Variants in CDH13 observed in about 807,000 individuals in gnomAD.
CDH13 encodes the protein cadherin-13.
In CDH13, 24 loss-of-function variants were observed where a neutral mutation model predicts 63.8. The observed-to-expected ratio is 0.38, with a 90% CI of 0.27 to 0.53. The LOEUF (loss-of-function observed/expected upper bound fraction) is 0.53. CDH13 is among the 20% of genes least tolerant of loss of function. The pLI is 0.85. For missense variants in CDH13, 1,049 were observed against 903.1 expected, an observed-to-expected ratio of 1.16 and a Z score of -2.07; for synonymous variants, 503 against 355.3, an observed-to-expected ratio of 1.42 and a Z score of -4.67.
At chr16:83,464,391 A>C (rs2073256980) in intron 6 of CDH13, among the ~76,000 whole-genome samples, 1 of 152,192 alleles carries the variant, frequency 6.6e-6, no homozygotes, top group South Asian at 2.1e-4. Context: ...ACATCCCTGT[A>C]ATCCCAGCTA....
At chr16:82,654,569 C>T (rs1241248608) in intron 1 of CDH13, among the ~76,000 whole-genome samples, 1 of 152,048 alleles carries the variant, frequency 6.6e-6, no homozygotes, top group Non-Finnish European at 1.5e-5. Context: ...TCAAATAATC[C>T]TGATTGACTG....
intron 4 of CDH13, among the ~76,000 whole-genome samples, chr16:83,140,874 C>G (rs757965658): frequency 3.3e-5 from 5 of 152,186 alleles, no homozygotes; most frequent in Non-Finnish European, 4.4e-5. Flanking sequence ...GTTTAAGGCA[C>G]CAAGAATGCC....
chr16:83,690,046 G>A (rs562478704), intron 10 of CDH13, among the ~76,000 whole-genome samples: 45 of 152,156 alleles, frequency 3.0e-4, no homozygotes, highest in East Asian at 5.8e-4. Context: ...TTAGCCGGGC[G>A]CCTGTAATCC....
intron 8 of CDH13, among the ~76,000 whole-genome samples, chr16:83,650,711 G>C (rs1431662845): frequency 6.6e-6 from 1 of 152,140 alleles, no homozygotes; most frequent in Non-Finnish European, 1.5e-5. Flanking sequence ...ATCCATCCCA[G>C]AATGTCATTA....
chr16:82,893,268 A>G (rs1455642429), intron 2 of CDH13, among the ~76,000 whole-genome samples: 2 of 152,270 alleles, frequency 1.3e-5, no homozygotes, highest in Non-Finnish European at 2.9e-5. Flanking sequence ...TGTTGGCATC[A>G]GCAGTTTTGA....
chr16:83,128,793 A>C (rs557978004), intron 4 of CDH13, among the ~76,000 whole-genome samples: 1 of 152,286 alleles, frequency 6.6e-6, no homozygotes, highest in African/African-American at 2.4e-5. Flanking sequence ...TTCAAAAAGC[A>C]ATTTGGTTTG....
chr16:83,472,765 G>A (rs367829083), intron 6 of CDH13, among the ~76,000 whole-genome samples: 2 of 152,202 alleles, frequency 1.3e-5, no homozygotes, highest in South Asian at 2.1e-4. Flanking sequence ...TGTGCCAGAA[G>A]CTACTGGATC....
intron 1 of CDH13, among the ~76,000 whole-genome samples, chr16:82,799,005 C>T (rs553254701): frequency 6.6e-6 from 1 of 152,160 alleles, no homozygotes; most frequent in Non-Finnish European, 1.5e-5. Flanking sequence ...CCTGGGCAGT[C>T]TATCACCAGA....
rs190876096 is a variant in CDH13 at position 82,931,594 on chromosome 16, C to T, written c.157+73121C>T. On this transcript the variant is annotated intron_variant, in intron 2 of 13. Coordinates refer to ENST00000567109, the MANE Select transcript of CDH13 (RefSeq NM_001257.5). ...TTTTCATGCTGCTGATAAAGACATACCTGAGACTGGGTAATTTATAAAGAA... is the reference window on the plus strand; with the variant it reads ...TTTTCATGCTGCTGATAAAGACATATCTGAGACTGGGTAATTTATAAAGAA... Among the ~76,000 whole-genome samples the T allele has an allele frequency of 5.5e-3, 832 of 150,660 alleles. 5 individuals are homozygous for T. The highest frequency in any genetic ancestry group is 8.9e-3 in the Non-Finnish European group (607 of 67,842).
chr16:83,676,206 G>A (rs1914940205), intron 9 of CDH13, among the ~76,000 whole-genome samples: 1 of 152,208 alleles, frequency 6.6e-6, no homozygotes, highest in African/African-American at 2.4e-5. Flanking sequence ...CTTGTCAGCA[G>A]ATGGCTGGAT....
At position 83,038,062 on chromosome 16, in the gene CDH13, C is replaced by G. The variant is rs568147551; in HGVS notation, c.366+5844C>G. The stretch of plus-strand genomic sequence containing the variant: ...CCAATGAAAAGAAAGGGAAGGCATG[C>G]TCAGAGAGGTAGGTGGGACCGCCAG... On this transcript the variant is annotated intron_variant, in intron 3 of 13. Coordinates refer to ENST00000567109, the MANE Select transcript of CDH13 (RefSeq NM_001257.5). Among the ~76,000 whole-genome samples, 3 of 152,290 alleles carry G rather than the reference C, an allele frequency of 2.0e-5. No homozygotes were observed. In the East Asian group the frequency reaches 5.8e-4, roughly 29 times the overall value.
intron 6 of CDH13, among the ~76,000 whole-genome samples, chr16:83,346,646 G>A (rs1408818874): frequency 6.6e-6 from 1 of 152,128 alleles, no homozygotes; most frequent in Non-Finnish European, 1.5e-5. Flanking sequence ...CTCCCACTGT[G>A]CCTGTCCTTA....
At chr16:83,037,943 C>A (rs1567770043) in intron 3 of CDH13, among the ~76,000 whole-genome samples, 1 of 152,072 alleles carries the variant, frequency 6.6e-6, no homozygotes, top group Non-Finnish European at 1.5e-5. Context: ...AATTTTGGAA[C>A]CTCAGGAGGA....
At chr16:82,964,315 G>T (rs1317035039) in intron 2 of CDH13, among the ~76,000 whole-genome samples, 1 of 152,146 alleles carries the variant, frequency 6.6e-6, no homozygotes, top group Non-Finnish European at 1.5e-5. Context: ...ATCCCAAAGG[G>T]CTTACTAGAC....
At chr16:82,782,116 G>A (rs1256102797) in intron 1 of CDH13, among the ~76,000 whole-genome samples, 2 of 152,204 alleles carry the variant, frequency 1.3e-5, no homozygotes, top group Non-Finnish European at 2.9e-5. Flanking sequence ...TAGAAATATG[G>A]ATATGTAGGA....
chr16:83,120,557 T>C (rs2035518922), intron 3 of CDH13, among the ~76,000 whole-genome samples: 1 of 152,212 alleles, frequency 6.6e-6, no homozygotes, highest in Non-Finnish European at 1.5e-5. Flanking sequence ...CCTTTACATC[T>C]GCACAAAGTT....
chr16:83,222,038 G>T (rs1019730255), intron 5 of CDH13, among the ~76,000 whole-genome samples: 1 of 152,056 alleles, frequency 6.6e-6, no homozygotes, highest in Non-Finnish European at 1.5e-5. Context: ...GTGTGCCAAG[G>T]CTCCATGCCA....
rs370580400 is a variant in CDH13, at chr16:82,811,393, G to C, written c.46-46969G>C. Among the ~76,000 whole-genome samples the C allele has an allele frequency of 3.5e-4, 53 of 152,182 alleles. No individual in the cohort carries two copies. The East Asian group carries it at 8.7e-3, about 25-fold the overall frequency. On this transcript the variant is annotated intron_variant, in intron 1 of 13. Transcript: ENST00000567109. ...TTTGGTGGCAGGTTTAGTAACTATT[G>C]CAATTTTGAAGTAGTGATGAGTATG... is the stretch of plus-strand genomic sequence containing the variant.
At chr16:82,979,968 T>A (rs770382967) in intron 2 of CDH13, among the ~76,000 whole-genome samples, 16 of 152,184 alleles carry the variant, frequency 1.1e-4, no homozygotes, top group Non-Finnish European at 2.1e-4. Context: ...AGCCCATAGA[T>A]GACTCACTGA....
Sources: gnomAD v4.1 joint callset for allele counts (sites outside exome capture counted in the v4.1 genomes callset) on GRCh38, gnomAD v4.1.1 for gene constraint, MANE v1.5 for transcripts, NCBI Gene and HGNC (gene_info 2026-07-23, HGNC 2026-07-21) for gene names.